YEATS2: variants seen among roughly 807,000 people sequenced by gnomAD.
YEATS2 encodes the protein YEATS domain-containing protein 2.
YEATS2 carries 77 observed loss-of-function variants against 163.2 expected under a neutral mutation model. That is an observed-to-expected ratio of 0.47 (90% CI 0.39 to 0.57). The LOEUF is 0.57. Ranked by LOEUF, YEATS2 falls within the 20% of genes least tolerant of loss-of-function variation. The probability of loss-of-function intolerance (pLI) is 0.00; values close to 1 mark genes in which losing one functional copy is unlikely to be tolerated. For missense variants in YEATS2, 1,549 were observed against 1,729.8 expected, an observed-to-expected ratio of 0.90 and a Z score of 1.85; for synonymous variants, 631 against 645.1, an observed-to-expected ratio of 0.98 and a Z score of 0.33.
intron 8 of YEATS2, among the ~76,000 whole-genome samples, chr3:183,745,360 G>C (rs1719419260): frequency 6.6e-6 from 1 of 152,142 alleles, no homozygotes; most frequent in Non-Finnish European, 1.5e-5. Context: ...ATTTTGACTC[G>C]ATTTACTTCC....
At chr3:183,705,547 A>T (rs73884597) in intron 1 of YEATS2, among the ~76,000 whole-genome samples, 1 of 151,938 alleles carries the variant, frequency 6.6e-6, no homozygotes, top group African/African-American at 2.4e-5. Context: ...CTTGAATTCT[A>T]TTATTAATAT....
intron 1 of YEATS2, among the ~76,000 whole-genome samples, chr3:183,698,425 G>A (rs1385977717): frequency 6.6e-6 from 1 of 152,186 alleles, no homozygotes; most frequent in Non-Finnish European, 1.5e-5. Context: ...GGAGGGGAGG[G>A]GTCAGAGAGG....
At chr3:183,798,362 C>T (rs1486687426) in intron 22 of YEATS2, among the ~76,000 whole-genome samples, 1 of 152,042 alleles carries the variant, frequency 6.6e-6, no homozygotes, top group Non-Finnish European at 1.5e-5. Context: ...TTTTCCTTTC[C>T]TTTTCTTTTG....
intron 10 of YEATS2, among the ~76,000 whole-genome samples, chr3:183,753,719 G>C (rs920473585): frequency 2.0e-5 from 3 of 152,202 alleles, no homozygotes; most frequent in African/African-American, 4.8e-5. Context: ...CTGCACTCTA[G>C]CCTGGGTGAC....
At chr3:183,761,872 C>G (rs1238203951) in intron 14 of YEATS2, among the ~76,000 whole-genome samples, 1 of 152,168 alleles carries the variant, frequency 6.6e-6, no homozygotes, top group Non-Finnish European at 1.5e-5. Flanking sequence ...TGTGTTATTA[C>G]AGGAGCACAG....
At chr3:183,803,951 T>A (rs1426327241) in intron 26 of YEATS2, 36 bp from the exon 27 acceptor site, 1 of 1,606,702 alleles carries the variant, frequency 6.2e-7, no homozygotes, top group South Asian at 1.1e-5. Flanking sequence ...GTGGAAGGAT[T>A]TGATTATGGT....
At chr3:183,766,069 T>G (rs1721875264) in intron 15 of YEATS2, among the ~76,000 whole-genome samples, 1 of 151,866 alleles carries the variant, frequency 6.6e-6, no homozygotes, top group Non-Finnish European at 1.5e-5. Context: ...TGGGAAGAGG[T>G]GCTGCCTTTG....
chr3:183,789,525 A>ATTTTTTTTTTTTTTTT lies in YEATS2; in HGVS notation c.2914-1259_2914-1244dup, dbSNP rs143473253. ...TTAGGTTTCAGATTCATTCGAGTTAATTTTTTTTTTTTTTTTTTTTTTTTT... is the reference window on the plus strand; with the variant it reads ...TTAGGTTTCAGATTCATTCGAGTTAATTTTTTTTTTTTTTTTTTTTTTTTTTTTTTTTTTTTTTTTT... On this transcript the variant is annotated intron_variant, in intron 20 of 30. Coordinates refer to ENST00000305135, the MANE Select transcript of YEATS2 (RefSeq NM_018023.5). Among the ~76,000 whole-genome samples, 45 of 66,350 alleles carry ATTTTTTTTTTTTTTTT rather than the reference A, an allele frequency of 6.8e-4. 6 individuals are homozygous for ATTTTTTTTTTTTTTTT. The highest frequency in any genetic ancestry group is 2.4e-3 in the African/African-American group (35 of 14,618). 43.5% of individuals were successfully genotyped at this position (66,350 alleles called of 152,430 possible). A position where few individuals can be genotyped will look rare whatever the true frequency, so the allele number is the denominator to read the frequency against.
At position 183,776,112 on chromosome 3, in the gene YEATS2, C is replaced by A. The variant is rs747823869; in HGVS notation, c.2566C>A (p.Gln856Lys). 2.5e-6 allele frequency: 4 copies of A among 1,580,754 alleles called. No individual in the cohort carries two copies. Among genetic ancestry groups the A allele is most frequent in the African/African-American group, 2.7e-5 (2 of 74,196 alleles). Residue 856 changes from glutamine to lysine, a missense_variant, in exon 18 of 31, where the codon CAA (glutamine) becomes AAA (lysine). Coordinates refer to ENST00000305135, the MANE Select transcript of YEATS2 (RefSeq NM_018023.5). Reference sequence around the variant, plus strand: ...GACTTACACATCTTACATCCTCAAGCAAACTCCCCAGGTCTGGTTCTCTGT... The same window carrying A: ...GACTTACACATCTTACATCCTCAAGAAAACTCCCCAGGTCTGGTTCTCTGT... ...HLTYTSYILKQTPQGTFLVGQ... is the reference protein window; with the variant it reads ...HLTYTSYILKKTPQGTFLVGQ...
rs1346096142 is a variant in YEATS2 at position 183,812,248 on chromosome 3, TC to T, written c.*1666del. The stretch of plus-strand genomic sequence containing the variant: ...AGACCCCGTCTCAAAAATTGATTGA[TC>T]AATTCAGCATCTGAGGGCTGCAAGT... On this transcript the variant is annotated 3_prime_UTR_variant, in exon 31 of 31. Transcript: ENST00000305135. 3 of 152,170 alleles carry T rather than the reference TC, an allele frequency of 2.0e-5. No homozygotes were observed. Among genetic ancestry groups the T allele is most frequent in the Admixed American group, 1.3e-4 (2 of 15,268 alleles). 9.4% of individuals were successfully genotyped at this position (152,170 alleles called of 1,614,324 possible).
chr3:183,727,414 C>T (rs1158935065), intron 6 of YEATS2, among the ~76,000 whole-genome samples: 1 of 152,156 alleles, frequency 6.6e-6, no homozygotes, highest in Non-Finnish European at 1.5e-5. Context: ...CCAGGCCTGG[C>T]TTTTTCTGGG....
At chr3:183,772,232 C>T (rs1577158078) in intron 15 of YEATS2, 73 bp from the exon 16 acceptor site, 1 of 1,592,668 alleles carries the variant, frequency 6.3e-7, no homozygotes, top group South Asian at 1.1e-5. Context: ...CTTTGTTTTG[C>T]TCTCTGCCAA....
At chr3:183,783,247 C>T (rs1399861706) in intron 19 of YEATS2, among the ~76,000 whole-genome samples, 2 of 152,166 alleles carry the variant, frequency 1.3e-5, no homozygotes, top group Non-Finnish European at 2.9e-5. Context: ...TGTACAAGTG[C>T]TTTCTGTTCT....
intron 12 of YEATS2, 35 bp downstream of exon 12, chr3:183,756,724 G>A: frequency 7.4e-7 from 1 of 1,349,370 alleles, no homozygotes; most frequent in Non-Finnish European, 9.6e-7. Context: ...CCATCTAAAG[G>A]GTTTGATCTT....
intron 15 of YEATS2, among the ~76,000 whole-genome samples, chr3:183,764,369 A>T (rs868841169): frequency 1.2e-4 from 4 of 33,366 alleles, no homozygotes; most frequent in Admixed American, 5.7e-4. Flanking sequence ...AACTCTGTTT[A>T]AAAAAAAAAA....
At chr3:183,810,285 G>T in intron 30 of YEATS2, 190 bp from the exon 31 acceptor site, 1 of 536,558 alleles carries the variant, frequency 1.9e-6, no homozygotes, top group South Asian at 2.4e-5. Flanking sequence ...CCAACTTGTT[G>T]ACATCCTTCT....
At chr3:183,780,787 A>G (rs1047234265) in intron 19 of YEATS2, among the ~76,000 whole-genome samples, 1 of 152,194 alleles carries the variant, frequency 6.6e-6, no homozygotes, top group South Asian at 2.1e-4. Context: ...AAGGATTTGT[A>G]TTGGAATAAC....
intron 7 of YEATS2, among the ~76,000 whole-genome samples, chr3:183,736,149 C>CTTTTTTTTTTT (rs1355732910): frequency 1.3e-5 from 2 of 152,084 alleles, no homozygotes; most frequent in Non-Finnish European, 2.9e-5. Flanking sequence ...GCTGAGAATT[C>CTTTTTTTTTTT]TCCAATCCAG....
intron 8 of YEATS2, 22 bp from the exon 9 acceptor site, chr3:183,747,650 T>C: frequency 1.2e-6 from 2 of 1,606,034 alleles, no homozygotes; most frequent in Non-Finnish European, 1.7e-6. Context: ...AATTTAACAC[T>C]CTCCCTTTTG....
Sources: gnomAD v4.1 joint callset for allele counts (sites outside exome capture counted in the v4.1 genomes callset) on GRCh38, gnomAD v4.1.1 for gene constraint, MANE v1.5 for transcripts, NCBI Gene and HGNC (gene_info 2026-07-23, HGNC 2026-07-21) for gene names.